The following CSMD1 variants were observed in gnomAD, a reference collection of about 807,000 sequenced individuals.
CSMD1 encodes CUB and sushi domain-containing protein 1.
CSMD1 carries 213 observed loss-of-function variants against 417.5 expected under a neutral mutation model. The ratio of observed to expected loss-of-function variants is 0.51; its 90% confidence interval spans 0.46 to 0.57. The LOEUF (loss-of-function observed/expected upper bound fraction) is 0.57, where lower values mean the gene tolerates loss of function less well. Among genes scored for constraint, CSMD1 ranks in the 20% least tolerant of loss-of-function variants. CSMD1 has a pLI of 0.00. For missense variants in CSMD1, 6,923 were observed against 4,529.7 expected (o/e 1.53, Z -15.17); for synonymous variants, 2,862 against 1,736.8 (o/e 1.65, Z -16.11).
At chr8:4,263,246 A>C (rs1804007788) in intron 3 of CSMD1, among the ~76,000 whole-genome samples, 1 of 152,164 alleles carries the variant, frequency 6.6e-6, no homozygotes, top group Non-Finnish European at 1.5e-5. Context: ...GATCTAAAAA[A>C]ATCTGTAAGC....
chr8:4,086,196 A>C (rs1800409959), intron 3 of CSMD1, among the ~76,000 whole-genome samples: 1 of 152,230 alleles, frequency 6.6e-6, no homozygotes, highest in African/African-American at 2.4e-5. Context: ...ATAAAACCTT[A>C]CAGCTACAAA....
intron 3 of CSMD1, among the ~76,000 whole-genome samples, chr8:4,112,073 G>C (rs7013621): frequency 0.12 from 18,125 of 152,154 alleles, 1,291 homozygotes; most frequent in South Asian, 0.28. Flanking sequence ...TCTGAGGCTA[G>C]TCTTGAAATA....
chr8:4,608,997 G>A (rs1051828030), intron 2 of CSMD1, among the ~76,000 whole-genome samples: 3 of 149,724 alleles, frequency 2.0e-5, no homozygotes, highest in African/African-American at 5.0e-5. Context: ...AAGGAATGTG[G>A]CATACTTGAA....
chr8:4,848,275 T>A (rs1435060696), intron 1 of CSMD1, among the ~76,000 whole-genome samples: 1 of 152,244 alleles, frequency 6.6e-6, no homozygotes, highest in Admixed American at 6.5e-5. Context: ...AATGTTGACA[T>A]AAACATTGTT....
intron 1 of CSMD1, among the ~76,000 whole-genome samples, chr8:4,956,480 CAT>C (rs749282925): frequency 1.2e-4 from 17 of 147,640 alleles, no homozygotes; most frequent in Admixed American, 4.1e-4. Flanking sequence ...TTATAAAATG[CAT>C]ATGTGTATAA....
At chr8:4,895,643 G>C (rs1348358640) in intron 1 of CSMD1, among the ~76,000 whole-genome samples, 2 of 151,156 alleles carry the variant, frequency 1.3e-5, no homozygotes, top group Admixed American at 6.6e-5. Context: ...GTTGTGGTTG[G>C]TCTGATGAGG....
intron 5 of CSMD1, among the ~76,000 whole-genome samples, chr8:3,976,785 T>C (rs188852431): frequency 3.9e-5 from 6 of 152,326 alleles, no homozygotes; most frequent in Admixed American, 2.0e-4. Context: ...TCAGGCTGAA[T>C]GCTGCTCAAG....
chr8:4,709,535 C>A (rs1042159110), intron 1 of CSMD1, among the ~76,000 whole-genome samples: 1 of 152,208 alleles, frequency 6.6e-6, no homozygotes, highest in African/African-American at 2.4e-5. Context: ...AGGGCAGAGA[C>A]CTCGAGGCTG....
At chr8:4,692,221 C>T (rs1027212271) in intron 1 of CSMD1, among the ~76,000 whole-genome samples, 2 of 152,100 alleles carry the variant, frequency 1.3e-5, no homozygotes, top group African/African-American at 4.8e-5. Flanking sequence ...TTACCGACCT[C>T]ACTCAAGTCC....
intron 2 of CSMD1, among the ~76,000 whole-genome samples, chr8:4,575,162 T>C (rs914353370): frequency 1.3e-5 from 2 of 152,234 alleles, no homozygotes; most frequent in Non-Finnish European, 2.9e-5. Context: ...TATAGCACTG[T>C]GGCCAAGAAC....
chr8:3,291,624 A>G (rs928125547), intron 25 of CSMD1, among the ~76,000 whole-genome samples: 6 of 152,192 alleles, frequency 3.9e-5, no homozygotes, highest in African/African-American at 1.4e-4. Flanking sequence ...AGAGGTGTTT[A>G]TAGTATTCTC....
intron 3 of CSMD1, among the ~76,000 whole-genome samples, chr8:4,115,815 T>TA (rs201438381): frequency 1.3e-3 from 200 of 149,408 alleles, no homozygotes; most frequent in Admixed American, 2.9e-3. Flanking sequence ...TATTTCTCAG[T>TA]AAAAAAAAAG....
At chr8:4,936,531 G>A (rs966122412) in intron 1 of CSMD1, among the ~76,000 whole-genome samples, 27 of 152,128 alleles carry the variant, frequency 1.8e-4, no homozygotes, top group Middle Eastern at 3.2e-3. Flanking sequence ...TTGTACCTTC[G>A]TGAATAAATG....
At chr8:4,907,734 T>C (rs1274144033) in intron 1 of CSMD1, among the ~76,000 whole-genome samples, 4 of 151,622 alleles carry the variant, frequency 2.6e-5, no homozygotes, top group African/African-American at 7.3e-5. Flanking sequence ...ATTTTTTTTT[T>C]TTTTCATTTT....
intron 5 of CSMD1, among the ~76,000 whole-genome samples, chr8:3,933,168 G>A (rs147668815): frequency 0.014 from 1,857 of 135,586 alleles, 146 homozygotes; most frequent in African/African-American, 0.047. Flanking sequence ...GTCCACCTCC[G>A]TGGTAATACC....
intron 3 of CSMD1, among the ~76,000 whole-genome samples, chr8:4,397,040 AT>A (rs1436374263): frequency 2.0e-5 from 3 of 146,730 alleles, no homozygotes; most frequent in African/African-American, 4.9e-5. Context: ...TAAAAAAAAA[AT>A]AAAGAAAAAT....
chr8:3,521,930 T>C (rs954271879), intron 10 of CSMD1, among the ~76,000 whole-genome samples: 1 of 152,222 alleles, frequency 6.6e-6, no homozygotes, highest in Admixed American at 6.5e-5. Context: ...ATTAAATCCA[T>C]ATTCATCACA....
At chr8:4,005,301 T>TA (rs773925551) in intron 4 of CSMD1, among the ~76,000 whole-genome samples, 2 of 151,878 alleles carry the variant, frequency 1.3e-5, no homozygotes, top group Non-Finnish European at 2.9e-5. Flanking sequence ...AATAAAATAA[T>TA]AAAAAAAGTT....
At chr8:4,956,112 T>G (rs2117308261) in intron 1 of CSMD1, among the ~76,000 whole-genome samples, 1 of 152,294 alleles carries the variant, frequency 6.6e-6, no homozygotes, top group South Asian at 2.1e-4. Flanking sequence ...CCCTAAGAAC[T>G]GCTAATTACT....
Sources: gnomAD v4.1 joint callset for allele counts (sites outside exome capture counted in the v4.1 genomes callset) on GRCh38, gnomAD v4.1.1 for gene constraint, MANE v1.5 for transcripts, NCBI Gene and HGNC (gene_info 2026-07-23, HGNC 2026-07-21) for gene names.